DENND5B: variants seen among roughly 807,000 people sequenced by gnomAD.
DENND5B encodes DENN domain containing 5B, also known as DENN domain-containing protein 5B.
A neutral mutation model predicts 140.6 loss-of-function variants in DENND5B; 34 were observed. That is an observed-to-expected ratio of 0.24 (90% confidence interval 0.18 to 0.32). The LOEUF (loss-of-function observed/expected upper bound fraction) is 0.32, where lower values mean the gene tolerates loss of function less well. Among genes scored for constraint, DENND5B ranks in the 10% least tolerant of loss-of-function variants. DENND5B has a pLI of 1.00. For synonymous variants in DENND5B, 551 were observed against 562.1 expected (o/e 0.98, Z 0.28); for missense variants, 1,142 against 1,560.2 (o/e 0.73, Z 4.52).
chr12:31,590,915 G>C lies in DENND5B; in HGVS notation c.-83C>G. On this transcript the variant is annotated 5_prime_UTR_variant, in exon 1 of 21. Transcript: ENST00000389082. ...AGGCTGCCACCACCGCTCCGGCTGT[G>C]GTCTGTGCGCCCGCCCTAGGGCGAC... 8.7e-7 allele frequency: 1 copy of C among 1,150,192 alleles called. No homozygotes were observed. The highest frequency in any genetic ancestry group is 1.1e-6 in the Non-Finnish European group (1 of 936,816). The allele number at this position is 1,150,192 out of a possible 1,614,324, so 71.2% of individuals were successfully genotyped here.
chr12:31,471,461 A>ATTTTTTTTT (rs747862984), intron 3 of DENND5B, among the ~76,000 whole-genome samples: 3 of 111,908 alleles, frequency 2.7e-5, no homozygotes, highest in South Asian at 2.9e-4. Flanking sequence ...CCATGCCTGT[A>ATTTTTTTTT]TTTTTTTTTT....
chr12:31,582,887 T>A (rs995564811), intron 1 of DENND5B, among the ~76,000 whole-genome samples: 3 of 152,166 alleles, frequency 2.0e-5, no homozygotes, highest in African/African-American at 7.2e-5. Flanking sequence ...TGGGTATGGA[T>A]GTTATGGGTA....
intron 17 of DENND5B, chr12:31,396,379 A>G (rs1172219349): frequency 6.7e-6 from 1 of 149,318 alleles, no homozygotes; most frequent in Admixed American, 6.7e-5. Context: ...TTTTTTTTTA[A>G]AGACAGAGTC....
intron 4 of DENND5B, among the ~76,000 whole-genome samples, chr12:31,457,694 A>G (rs1944834480): frequency 6.6e-6 from 1 of 151,756 alleles, no homozygotes; most frequent in African/African-American, 2.4e-5. Flanking sequence ...TAGTTTCTAC[A>G]CAGAAGCACT....
At chr12:31,538,869 A>G (rs975058656) in intron 1 of DENND5B, among the ~76,000 whole-genome samples, 73 of 152,292 alleles carry the variant, frequency 4.8e-4, no homozygotes, top group African/African-American at 1.7e-3. Flanking sequence ...ATTTCATCTC[A>G]AAATACAAAA....
rs140165928 is a variant in DENND5B, at chr12:31,525,262, A to G, written c.128-29343T>C. 5.4e-3 allele frequency among the ~76,000 whole-genome samples: 824 copies of G among 152,352 alleles called. 6 individuals are homozygous for G. Among genetic ancestry groups the G allele is most frequent in the African/African-American group, 0.019 (809 of 41,578 alleles). On this transcript the variant is annotated intron_variant, in intron 1 of 20. Coordinates refer to ENST00000389082, the MANE Select transcript of DENND5B (RefSeq NM_144973.4). ...CTGAATGTTCATAGCAGCATTATTCATAATAGCCCAAAAGTAGAAACAACC... is the reference window on the plus strand; with the variant it reads ...CTGAATGTTCATAGCAGCATTATTCGTAATAGCCCAAAAGTAGAAACAACC...
Position 31,460,122 on chromosome 12 carries a change from T to C in DENND5B, c.1092+72A>G, listed in dbSNP as rs755082044. ...ACAGATAAAATTTTGACAAAGACAATGCAATCTAACGAAAGTCGCCTTGAC... is the reference window on the plus strand; with the variant it reads ...ACAGATAAAATTTTGACAAAGACAACGCAATCTAACGAAAGTCGCCTTGAC... On this transcript the variant is annotated intron_variant, in intron 4 of 20. Transcript: ENST00000389082. 2.3e-5 allele frequency: 33 copies of C among 1,417,196 alleles called. No homozygotes were observed. The African/African-American group carries it at 4.3e-4, about 18-fold the overall frequency. The allele number at this position is 1,417,196 out of a possible 1,614,324, so 87.8% of individuals were successfully genotyped here. A position where few individuals can be genotyped will look rare whatever the true frequency, so the allele number is the denominator to read the frequency against.
At chr12:31,544,481 C>G (rs1360421869) in intron 1 of DENND5B, among the ~76,000 whole-genome samples, 1 of 152,010 alleles carries the variant, frequency 6.6e-6, no homozygotes, top group African/African-American at 2.4e-5. Context: ...GACGGGGTCT[C>G]CCTGTATTGC....
rs184581781 is a variant in DENND5B, at chr12:31,430,542, G to A, written c.2106+2613C>T. On this transcript the variant is annotated intron_variant, in intron 8 of 20. Coordinates refer to ENST00000389082, the MANE Select transcript of DENND5B (RefSeq NM_144973.4). ...AAAAAAAATTAGGTGGGCGTGGTACGTGCCTGTAGTCCCAGCTACTTGGGA... is the reference window on the plus strand; with the variant it reads ...AAAAAAAATTAGGTGGGCGTGGTACATGCCTGTAGTCCCAGCTACTTGGGA... Among the ~76,000 whole-genome samples the A allele has an allele frequency of 5.5e-5, 8 of 145,724 alleles. No individual in the cohort carries two copies. In the South Asian group the frequency reaches 6.7e-4, roughly 12 times the overall value.
In DENND5B at chr12:31,590,716, G is replaced by A. The variant is rs1236819202; in HGVS notation, c.117C>T (p.Asp39=). 2.7e-6 allele frequency: 4 copies of A among 1,477,120 alleles called. No homozygotes were observed. The highest frequency in any genetic ancestry group is 1.3e-5 in the South Asian group (1 of 79,352). The allele number at this position is 1,477,120 out of a possible 1,614,324, so 91.5% of individuals were successfully genotyped here. The part of the protein sequence containing the change: ...GIDADSGLEP[D]ELAGENFDQS... ...CAGCCCTGGCCTTACCCGCCAGCTC[G>A]TCAGGCTCCAGCCCGCTGTCCGCGT... The change falls in exon 1 of 21, where the codon GAC becomes GAT. Residue 39 remains aspartate (D), a synonymous_variant. Transcript: ENST00000389082.
intron 1 of DENND5B, among the ~76,000 whole-genome samples, chr12:31,549,089 G>A (rs1474251329): frequency 6.6e-6 from 1 of 152,096 alleles, no homozygotes; most frequent in African/African-American, 2.4e-5. Context: ...TTAGAGACAC[G>A]AAGTCTCGCT....
intron 7 of DENND5B, 22 bp downstream of exon 7, chr12:31,442,753 C>G: frequency 6.2e-7 from 1 of 1,607,576 alleles, no homozygotes; most frequent in Non-Finnish European, 8.5e-7. Context: ...CAACCAACTA[C>G]TCAAGTGAAG....
chr12:31,486,408 T>A (rs1946309409), intron 2 of DENND5B, among the ~76,000 whole-genome samples: 1 of 152,212 alleles, frequency 6.6e-6, no homozygotes, highest in African/African-American at 2.4e-5. Context: ...AAATTCTTAT[T>A]CCTTGTAAGT....
chr12:31,415,605 C>T (rs1298012501), intron 11 of DENND5B, among the ~76,000 whole-genome samples, 157 bp from the exon 12 acceptor site: 1 of 152,146 alleles, frequency 6.6e-6, no homozygotes, highest in Non-Finnish European at 1.5e-5. Flanking sequence ...AAAATAGGGT[C>T]TTGCTCTGTC....
intron 13 of DENND5B, among the ~76,000 whole-genome samples, chr12:31,410,459 G>A (rs1404358002): frequency 1.3e-5 from 2 of 152,098 alleles, no homozygotes; most frequent in Non-Finnish European, 2.9e-5. Context: ...TTGCTGGAGT[G>A]CAGCGATGCA....
At chr12:31,563,940 A>G (rs922555946) in intron 1 of DENND5B, among the ~76,000 whole-genome samples, 14 of 152,160 alleles carry the variant, frequency 9.2e-5, no homozygotes, top group Non-Finnish European at 1.5e-5. Context: ...AATGTGGTGA[A>G]ACACCATCTC....
intron 1 of DENND5B, among the ~76,000 whole-genome samples, chr12:31,531,578 ACAGTAAG>A (rs1368402206): frequency 6.6e-6 from 1 of 152,170 alleles, no homozygotes; most frequent in Non-Finnish European, 1.5e-5. Context: ...CCTTGGACTG[ACAGTAAG>A]CACTATAGGT....
At position 31,442,768 on chromosome 12, in the gene DENND5B, T is replaced by C; in HGVS notation, c.2012+7A>G. 1 of 1,612,080 alleles carries C rather than the reference T, an allele frequency of 6.2e-7. No individual in the cohort carries two copies. The highest frequency in any genetic ancestry group is 8.5e-7 in the Non-Finnish European group (1 of 1,179,010). On this transcript the variant is annotated splice_region_variant and intron_variant, in intron 7 of 20. Transcript: ENST00000389082. ...CAACCAACTACTCAAGTGAAGAACA[T>C]GCTTACTTGTTACTGGTTGGTCCTG...
chr12:31,518,749 C>CTT (rs548985589), intron 1 of DENND5B, among the ~76,000 whole-genome samples: 4 of 148,372 alleles, frequency 2.7e-5, no homozygotes, highest in Non-Finnish European at 6.0e-5. Flanking sequence ...TTTTTTAAAT[C>CTT]TTTTTTTTTT....
Sources: allele counts gnomAD v4.1 joint callset (sites outside exome capture counted in the v4.1 genomes callset), GRCh38; gene constraint gnomAD v4.1.1; transcripts MANE v1.5; gene names NCBI Gene and HGNC (gene_info 2026-07-23, HGNC 2026-07-21).